The following PTGES variants were observed in gnomAD, a reference collection of about 807,000 sequenced individuals.
PTGES encodes the protein prostaglandin E synthase.
In PTGES, 3 loss-of-function variants were observed where a neutral mutation model predicts 11.8. That is an observed-to-expected ratio of 0.25 (90% CI 0.12 to 0.66). The LOEUF is 0.66. Ranked by LOEUF, PTGES falls within the 30% of genes least tolerant of loss-of-function variation. The pLI is 0.82. For synonymous variants in PTGES, 94 were observed against 90.4 expected (o/e 1.04, Z -0.22); for missense variants, 180 against 213.0 (o/e 0.85, Z 0.96).
At chr9:129,741,551 CTG>C (rs1204205498) in intron 2 of PTGES, among the ~76,000 whole-genome samples, 2 of 152,224 alleles carry the variant, frequency 1.3e-5, no homozygotes, top group Non-Finnish European at 2.9e-5. Context: ...GTGGGGAACA[CTG>C]TGGCCTGCCT....
intron 2 of PTGES, among the ~76,000 whole-genome samples, chr9:129,748,009 CAAAAAAAAAAAAAA>C (rs71497492): frequency 4.3e-5 from 1 of 23,436 alleles, no homozygotes; most frequent in Non-Finnish European, 8.7e-5. Flanking sequence ...GACTCTGTCT[CAAAAAAAAAAAAAA>C]AAAAAAAAAA....
In PTGES at chr9:129,739,988, A is replaced by G; in HGVS notation, c.210-128T>C. The G allele has an allele frequency of 2.6e-6, 3 of 1,168,444 alleles. No homozygotes were observed. Among genetic ancestry groups the G allele is most frequent in the Non-Finnish European group, 3.6e-6 (3 of 840,300 alleles). The allele number at this position is 1,168,444 out of a possible 1,614,324, so 72.4% of individuals were successfully genotyped here. ...TCATTTCAGGCATATCACACACTCA[A>G]ATCCATTCACAGCCAGGTCAAGGAG... is the stretch of plus-strand genomic sequence containing the variant. On this transcript the variant is annotated intron_variant, in intron 2 of 2. Coordinates refer to ENST00000340607, the MANE Select transcript of PTGES (RefSeq NM_004878.5). The surrounding 1 kb of genome is among the most constrained non-coding windows in gnomAD (Gnocchi z 5.7).
At position 129,738,501 on chromosome 9, in the gene PTGES, A is replaced by G. The variant is rs1015743038; in HGVS notation, c.*1110T>C. ...GACATTTGCAGTTTCCAAACCTTGA[A>G]GATACTGAAGGGACCAGAAAGTTCC... On this transcript the variant is annotated 3_prime_UTR_variant, in exon 3 of 3. Transcript: ENST00000340607. This position sits in a 1 kb window ranked among gnomAD's most constrained non-coding sequence, Gnocchi z 4.2. 3.3e-5 allele frequency: 5 copies of G among 152,836 alleles called. No homozygotes were observed. The highest frequency in any genetic ancestry group is 1.2e-4 in the African/African-American group (5 of 41,384). 9.5% of individuals were successfully genotyped at this position (152,836 alleles called of 1,614,324 possible).
chr9:129,749,507 G>A (rs1221879893), intron 1 of PTGES: 5 of 152,356 alleles, frequency 3.3e-5, no homozygotes, highest in African/African-American at 1.2e-4. Flanking sequence ...TTAGCTGTGT[G>A]TGGTGATACA....
chr9:129,747,608 G>T (rs45439604), intron 2 of PTGES, among the ~76,000 whole-genome samples: 9 of 152,260 alleles, frequency 5.9e-5, no homozygotes, highest in Non-Finnish European at 1.3e-4. Context: ...ACAATGAGTT[G>T]TCAGTTGCAT....
At chr9:129,751,342 TTA>T (rs1491208024) in intron 1 of PTGES, among the ~76,000 whole-genome samples, 3,310 of 118,496 alleles carry the variant, frequency 0.028, 136 homozygotes, top group African/African-American at 0.11. Flanking sequence ...TAAATAATAA[TTA>T]AAAAAAAAAA....
intron 1 of PTGES, 134 bp downstream of exon 1, chr9:129,752,753 C>A: frequency 7.4e-7 from 1 of 1,349,250 alleles, no homozygotes; most frequent in Non-Finnish European, 1.0e-6. Context: ...AGCCCCCCGG[C>A]GGGGCTGGAA....
intron 2 of PTGES, among the ~76,000 whole-genome samples, chr9:129,744,438 G>A (rs1833030655): frequency 6.6e-6 from 1 of 152,082 alleles, no homozygotes; most frequent in Admixed American, 6.5e-5. Flanking sequence ...AGCCAGGCAT[G>A]GTGGCACGTG....
intron 1 of PTGES, 122 bp downstream of exon 1, chr9:129,752,765 A>C (rs887832456): frequency 3.5e-6 from 5 of 1,443,020 alleles, no homozygotes; most frequent in Non-Finnish European, 4.8e-6. Flanking sequence ...GGGCTGGAAG[A>C]GGTGCTCACC....
At position 129,739,899 on chromosome 9, in the gene PTGES, C is replaced by G; in HGVS notation, c.210-39G>C. 6.5e-7 allele frequency: 1 copy of G among 1,545,372 alleles called. No individual in the cohort carries two copies. Among genetic ancestry groups the G allele is most frequent in the African/African-American group, 1.4e-5 (1 of 73,058 alleles). On this transcript the variant is annotated intron_variant, in intron 2 of 2. Coordinates refer to ENST00000340607, the MANE Select transcript of PTGES (RefSeq NM_004878.5). This position sits in a 1 kb window ranked among gnomAD's most constrained non-coding sequence, Gnocchi z 5.7. ...AGGGGTGCGGTCAGCCAGGTATTAGCTTTGGGGCCATAGGCCCTTTTGAGA... is the reference window on the plus strand; with the variant it reads ...AGGGGTGCGGTCAGCCAGGTATTAGGTTTGGGGCCATAGGCCCTTTTGAGA...
At chr9:129,752,792 A>G (rs1347992857) in intron 1 of PTGES, 95 bp downstream of exon 1, 32 of 1,591,728 alleles carry the variant, frequency 2.0e-5, no homozygotes, top group Non-Finnish European at 2.7e-5. Flanking sequence ...CCCTGCACAC[A>G]CCTTGGCCAT....
chr9:129,744,341 C>A (rs1833029601), intron 2 of PTGES, among the ~76,000 whole-genome samples: 1 of 152,100 alleles, frequency 6.6e-6, no homozygotes, highest in Non-Finnish European at 1.5e-5. Flanking sequence ...TGATCTCAGG[C>A]TGAAGTGGGA....
At chr9:129,743,467 T>C (rs1339871586) in intron 2 of PTGES, among the ~76,000 whole-genome samples, 2 of 152,222 alleles carry the variant, frequency 1.3e-5, no homozygotes, top group Non-Finnish European at 2.9e-5. Context: ...ACTGGACTTG[T>C]ATTGCCTCCT....
intron 2 of PTGES, among the ~76,000 whole-genome samples, chr9:129,741,484 C>G (rs967136120): frequency 2.6e-5 from 4 of 152,194 alleles, no homozygotes; most frequent in African/African-American, 9.7e-5. Context: ...CAGATCCTGA[C>G]CTTGCAACCC....
chr9:129,740,309 C>T (rs796458076), intron 2 of PTGES, among the ~76,000 whole-genome samples: 36 of 152,286 alleles, frequency 2.4e-4, no homozygotes, highest in African/African-American at 8.4e-4. Context: ...TGCTCTTTAC[C>T]TCCAGGGCAG....
chr9:129,739,435 C>CACATAG lies in PTGES; in HGVS notation c.*175_*176insCTATGT. The CACATAG allele has an allele frequency of 1.2e-6, 1 of 838,342 alleles. No homozygotes were observed. Among genetic ancestry groups the CACATAG allele is most frequent in the South Asian group, 1.8e-5 (1 of 55,156 alleles). The allele number at this position is 838,342 out of a possible 1,614,324, so 51.9% of individuals were successfully genotyped here. On this transcript the variant is annotated 3_prime_UTR_variant, in exon 3 of 3. Transcript: ENST00000340607. This position sits in a 1 kb window ranked among gnomAD's most constrained non-coding sequence, Gnocchi z 5.7. ...GCTAAGAAACATACACACACACATA[C>CACATAG]ACACACACGGGCACACACACAGGCC...
intron 2 of PTGES, among the ~76,000 whole-genome samples, chr9:129,742,502 G>A (rs185168741): frequency 3.9e-5 from 6 of 152,240 alleles, no homozygotes; most frequent in Admixed American, 3.9e-4. Context: ...ATTCACAAGG[G>A]AGTGCCACCT....
intron 2 of PTGES, among the ~76,000 whole-genome samples, chr9:129,741,514 C>A (rs1832993612): frequency 6.6e-6 from 1 of 152,188 alleles, no homozygotes; most frequent in Middle Eastern, 3.2e-3. Flanking sequence ...GAAAGCAAGT[C>A]TGTGGCAGGG....
chr9:129,750,456 C>T (rs536974326), intron 1 of PTGES, among the ~76,000 whole-genome samples: 9 of 152,298 alleles, frequency 5.9e-5, no homozygotes, highest in Middle Eastern at 3.4e-3. Context: ...ATCTGTGATA[C>T]GTTTCAAGGG....
Sources: allele counts gnomAD v4.1 joint callset (sites outside exome capture counted in the v4.1 genomes callset), GRCh38; gene constraint gnomAD v4.1.1; non-coding constraint Gnocchi (gnomAD v3.1); transcripts MANE v1.5; gene names NCBI Gene and HGNC (gene_info 2026-07-23, HGNC 2026-07-21).